ABCC1: variants seen among roughly 807,000 people sequenced by gnomAD.
ABCC1 encodes ATP binding cassette subfamily C member 1 (ABCC1 blood group).
ABCC1 carries 83 observed loss-of-function variants against 172.9 expected under a neutral mutation model. The observed-to-expected ratio is 0.48, with a 90% confidence interval of 0.40 to 0.58. The LOEUF (loss-of-function observed/expected upper bound fraction) is 0.58, where lower values mean the gene tolerates loss of function less well. Among genes scored for constraint, ABCC1 ranks in the 20% least tolerant of loss-of-function variants. ABCC1 has a pLI of 0.00. For synonymous variants in ABCC1, 937 were observed against 825.2 expected (o/e 1.14, Z -2.32); for missense variants, 1,817 against 2,002.7 (o/e 0.91, Z 1.77).
At chr16:16,119,802 G>C (rs1177551456) in intron 23 of ABCC1, among the ~76,000 whole-genome samples, 1 of 152,194 alleles carries the variant, frequency 6.6e-6, no homozygotes, top group Admixed American at 6.5e-5. Context: ...TAACACACTT[G>C]AGAGCGATTT....
At chr16:16,119,933 G>A (rs1005103609) in intron 23 of ABCC1, among the ~76,000 whole-genome samples, 28 of 152,290 alleles carry the variant, frequency 1.8e-4, no homozygotes, top group African/African-American at 6.5e-4. Flanking sequence ...ATGGGAGGCG[G>A]TGGGAACAGC....
chr16:16,104,058 C>T (rs533302366), intron 20 of ABCC1, among the ~76,000 whole-genome samples: 10 of 152,044 alleles, frequency 6.6e-5, no homozygotes, highest in South Asian at 2.1e-4. Flanking sequence ...GTCGTTCGTT[C>T]CTCCCGCTGG....
At chr16:16,100,277 T>C (rs2051668726) in intron 19 of ABCC1, among the ~76,000 whole-genome samples, 2 of 152,178 alleles carry the variant, frequency 1.3e-5, no homozygotes, top group Non-Finnish European at 2.9e-5. Flanking sequence ...AGCTCCCAGC[T>C]GACCATGGTG....
chr16:16,122,419 C>T (rs772378030), intron 24 of ABCC1, among the ~76,000 whole-genome samples: 16 of 152,070 alleles, frequency 1.1e-4, no homozygotes, highest in Non-Finnish European at 1.9e-4. Context: ...GTCAGAAAGC[C>T]CTGCAAGTGC....
Position 16,110,924 on chromosome 16 carries a change from G to A in ABCC1, c.2872-451G>A, listed in dbSNP as rs531186511. ...TGAGTTTGTCTCTTTTTTTTGAGAC[G>A]GAGTCTCACTCTGTCGCCCAGGCTG... On this transcript the variant is annotated intron_variant, in intron 21 of 30. Coordinates refer to ENST00000399410, the MANE Select transcript of ABCC1 (RefSeq NM_004996.4). 5.3e-4 allele frequency among the ~76,000 whole-genome samples: 80 copies of A among 151,086 alleles called. 4 individuals carry two copies. In the South Asian group the frequency reaches 0.016, roughly 30 times the overall value.
At chr16:16,059,903 C>T (rs531047012) in intron 12 of ABCC1, among the ~76,000 whole-genome samples, 7 of 150,408 alleles carry the variant, frequency 4.7e-5, no homozygotes, top group East Asian at 3.9e-4. Flanking sequence ...GGCTGAGGTA[C>T]GGGAATCGTT....
intron 19 of ABCC1, among the ~76,000 whole-genome samples, chr16:16,095,662 T>C (rs2152036708): frequency 6.6e-6 from 1 of 152,286 alleles, no homozygotes; most frequent in East Asian, 1.9e-4. Context: ...ATGTGGCCAT[T>C]TTTCTCTTTT....
intron 7 of ABCC1, among the ~76,000 whole-genome samples, chr16:16,043,326 C>G (rs1446395930): frequency 7.1e-6 from 1 of 141,516 alleles, no homozygotes; most frequent in Non-Finnish European, 1.5e-5. Context: ...CTTTTTGAGA[C>G]TGAGTCTTTT....
intron 1 of ABCC1, among the ~76,000 whole-genome samples, chr16:15,980,378 C>G (rs2046594775): frequency 2.6e-5 from 4 of 152,066 alleles, no homozygotes. Context: ...AACTGCCCAA[C>G]ACTAGGTAGT....
chr16:16,003,567 ATTGGT>A (rs1567302670), intron 1 of ABCC1, among the ~76,000 whole-genome samples: 1 of 135,986 alleles, frequency 7.4e-6, no homozygotes, highest in Non-Finnish European at 1.6e-5. Flanking sequence ...GGGTGAATGA[ATTGGT>A]AGGTGGGTAG....
rs1368060661 is a variant in ABCC1 at position 15,949,686 on chromosome 16, C to CA, written c.-66_-65insA. 6.4e-5 allele frequency: 64 copies of CA among 1,002,024 alleles called. No homozygotes were observed. Among genetic ancestry groups the CA allele is most frequent in the East Asian group, 1.9e-4 (2 of 10,436 alleles). The allele number at this position is 1,002,024 out of a possible 1,614,324, so 62.1% of individuals were successfully genotyped here. A position where few individuals can be genotyped will look rare whatever the true frequency, so the allele number is the denominator to read the frequency against. ...TCACCCGCCGCCCGGTGCCCGCCGC[C>CA]GCCCGCGCCAGCAACCGGGCCCGAT... is the stretch of plus-strand genomic sequence containing the variant. On this transcript the variant is annotated 5_prime_UTR_variant, in exon 1 of 31. Transcript: ENST00000399410.
chr16:16,133,927 C>T (rs2045807615), intron 27 of ABCC1, among the ~76,000 whole-genome samples: 1 of 152,152 alleles, frequency 6.6e-6, no homozygotes, highest in Non-Finnish European at 1.5e-5. Context: ...GCCGGAAGAT[C>T]TGCCTGAATC....
intron 22 of ABCC1, among the ~76,000 whole-genome samples, chr16:16,113,413 T>C (rs1174902219): frequency 6.6e-6 from 1 of 152,154 alleles, no homozygotes; most frequent in Non-Finnish European, 1.5e-5. Context: ...CCCAACACTT[T>C]GAGAGGCCAA....
chr16:16,017,958 G>C (rs1401813442), intron 5 of ABCC1, among the ~76,000 whole-genome samples: 1 of 152,154 alleles, frequency 6.6e-6, no homozygotes, highest in Non-Finnish European at 1.5e-5. Context: ...AGCAGGAGAA[G>C]GCTAAGAGAC....
At chr16:15,961,259 G>A (rs763358375) in intron 1 of ABCC1, among the ~76,000 whole-genome samples, 8 of 152,102 alleles carry the variant, frequency 5.3e-5, no homozygotes, top group Non-Finnish European at 1.2e-4. Flanking sequence ...CCACTCCCCA[G>A]TTGCCTTTGA....
At chr16:15,961,405 A>G (rs1227005758) in intron 1 of ABCC1, among the ~76,000 whole-genome samples, 2 of 152,202 alleles carry the variant, frequency 1.3e-5, no homozygotes, top group African/African-American at 4.8e-5. Flanking sequence ...TGCAGGAGGA[A>G]GATCTTGTAC....
chr16:16,079,935 C>T (rs772570940), intron 16 of ABCC1, among the ~76,000 whole-genome samples: 9 of 151,658 alleles, frequency 5.9e-5, no homozygotes, highest in Non-Finnish European at 1.3e-4. Context: ...CTCAGCCTCC[C>T]GAGTAGCTAG....
intron 4 of ABCC1, among the ~76,000 whole-genome samples, chr16:16,015,507 C>T (rs1470650791): frequency 6.6e-6 from 1 of 152,164 alleles, no homozygotes; most frequent in Non-Finnish European, 1.5e-5. Context: ...TGGCATGAGG[C>T]AAAGGAAGGA....
chr16:15,979,137 A>G (rs1303350412), intron 1 of ABCC1, among the ~76,000 whole-genome samples: 1 of 152,012 alleles, frequency 6.6e-6, no homozygotes, highest in African/African-American at 2.4e-5. Context: ...CTAAAAATAC[A>G]AAAATTAGTT....
Sources: gnomAD v4.1 joint callset for allele counts (sites outside exome capture counted in the v4.1 genomes callset) on GRCh38, gnomAD v4.1.1 for gene constraint, MANE v1.5 for transcripts, NCBI Gene and HGNC (gene_info 2026-07-23, HGNC 2026-07-21) for gene names.